The following RANBP2 variants were observed in gnomAD, a reference collection of about 807,000 sequenced individuals.
RANBP2 encodes the protein RAN binding protein 2.
In RANBP2, 57 loss-of-function variants were observed where a neutral mutation model predicts 303.6. That is an observed-to-expected ratio of 0.19 (90% CI 0.15 to 0.23). RANBP2 has a LOEUF of 0.23. RANBP2 is among the 10% of genes least tolerant of loss of function. The pLI, the probability that RANBP2 is intolerant of heterozygous loss-of-function variation, is 1.00. For missense variants in RANBP2, 3,138 were observed against 3,780.8 expected, an observed-to-expected ratio of 0.83 and a Z score of 4.46; for synonymous variants, 1,167 against 1,301.5, an observed-to-expected ratio of 0.90 and a Z score of 2.23.
Position 108,754,101 on chromosome 2 carries a change from T to C in RANBP2, c.2202+130T>C, listed in dbSNP as rs934867515. On this transcript the variant is annotated intron_variant, in intron 15 of 28. Coordinates refer to ENST00000283195, the MANE Select transcript of RANBP2 (RefSeq NM_006267.5). ...TTGTTATTAATGCACAGAAGGGATATGTGTGTCTAAATGCTTATATTTGCT... is the reference window on the plus strand; with the variant it reads ...TTGTTATTAATGCACAGAAGGGATACGTGTGTCTAAATGCTTATATTTGCT... 1.4e-5 allele frequency: 23 copies of C among 1,598,608 alleles called. No individual in the cohort carries two copies. The South Asian group carries it at 1.6e-4, about 11-fold the overall frequency.
chr2:109,585,308 A>C, the RANBP2 span: 1 of 1,600,546 alleles, frequency 6.2e-7, no homozygotes, highest in South Asian at 1.1e-5. Context: ...TTGATTTTCC[A>C]ATTCCAGTTT....
the RANBP2 span, among the ~76,000 whole-genome samples, chr2:109,020,187 C>T: frequency 2.6e-5 from 4 of 152,146 alleles, no homozygotes; most frequent in Non-Finnish European, 1.5e-5. Context: ...ACATATAAAA[C>T]ACCATTTGCA....
At chr2:109,282,981 C>T in the RANBP2 span, among the ~76,000 whole-genome samples, 5 of 152,278 alleles carry the variant, frequency 3.3e-5, no homozygotes, top group South Asian at 4.1e-4. Context: ...GTCCTACTCC[C>T]TCACGTGGAG....
the RANBP2 span, chr2:109,490,978 T>C: frequency 7.1e-7 from 1 of 1,412,506 alleles, no homozygotes; most frequent in African/African-American, 1.4e-5. Flanking sequence ...TGCTGTGGTT[T>C]GGCCTCTGAG....
chr2:108,862,143 T>A, the RANBP2 span, among the ~76,000 whole-genome samples: 1 of 150,918 alleles, frequency 6.6e-6, no homozygotes, highest in Non-Finnish European at 1.5e-5. Flanking sequence ...ATGTTTCACA[T>A]GCAGATGAGA....
the RANBP2 span, among the ~76,000 whole-genome samples, chr2:108,993,400 G>A: frequency 3.3e-5 from 5 of 152,146 alleles, no homozygotes; most frequent in Admixed American, 2.0e-4. Flanking sequence ...CGTGGGGGCT[G>A]GACAAAAGGG....
the RANBP2 span, chr2:108,930,172 G>T: frequency 1.8e-5 from 29 of 1,614,068 alleles, no homozygotes; most frequent in African/African-American, 2.5e-4. Flanking sequence ...GCACAGCCCC[G>T]TAGTCTGGTT....
chr2:108,879,137 A>T, the RANBP2 span, among the ~76,000 whole-genome samples: 1 of 152,152 alleles, frequency 6.6e-6, no homozygotes, highest in Non-Finnish European at 1.5e-5. Context: ...TCTTTTATTT[A>T]TTTATTTAAT....
the RANBP2 span, among the ~76,000 whole-genome samples, chr2:109,591,678 C>G: frequency 9.1e-4 from 138 of 152,274 alleles, no homozygotes; most frequent in African/African-American, 3.3e-3. Context: ...AGATGGATCA[C>G]TTGAGGCCAG....
chr2:109,369,740 C>T, the RANBP2 span, among the ~76,000 whole-genome samples: 1 of 152,198 alleles, frequency 6.6e-6, no homozygotes, highest in Admixed American at 6.5e-5. Context: ...GGCTGTCCAG[C>T]TCTGTTAGAT....
the RANBP2 span, among the ~76,000 whole-genome samples, chr2:109,668,333 T>C: frequency 3.8e-5 from 2 of 52,604 alleles, no homozygotes; most frequent in Non-Finnish European, 7.9e-5. Flanking sequence ...CTTAGTGGGT[T>C]TCATTAGGGG....
At chr2:109,274,192 C>T in the RANBP2 span, among the ~76,000 whole-genome samples, 1 of 152,234 alleles carries the variant, frequency 6.6e-6, no homozygotes, top group Admixed American at 6.5e-5. Context: ...AGTCATTATT[C>T]CTTGGAACAA....
At chr2:109,651,584 C>T in the RANBP2 span, among the ~76,000 whole-genome samples, 15 of 152,280 alleles carry the variant, frequency 9.9e-5, no homozygotes, top group East Asian at 2.9e-3. Context: ...AAAATATTCC[C>T]AATGGACAAA....
chr2:109,297,073 G>T, the RANBP2 span, among the ~76,000 whole-genome samples: 4 of 152,154 alleles, frequency 2.6e-5, no homozygotes, highest in Admixed American at 1.3e-4. Context: ...GCAGCTGTTG[G>T]TCCAGGTGGG....
the RANBP2 span, among the ~76,000 whole-genome samples, chr2:109,364,443 A>G: frequency 1.3e-5 from 2 of 152,222 alleles, no homozygotes; most frequent in Non-Finnish European, 2.9e-5. Context: ...TGATCTTTTA[A>G]GTCTAACATT....
At chr2:109,614,235 G>A in the RANBP2 span, 10,543 of 839,110 alleles carry the variant, frequency 0.013, 699 homozygotes, top group African/African-American at 0.16. Flanking sequence ...GCCGCCCTAG[G>A]TAGGTGTGGC....
the RANBP2 span, among the ~76,000 whole-genome samples, chr2:109,525,076 G>GTT: frequency 2.8e-5 from 4 of 144,918 alleles, no homozygotes; most frequent in African/African-American, 1.0e-4. Flanking sequence ...GCTCCTTACC[G>GTT]TTGTTTTTTT....
chr2:109,334,358 TAAA>T, the RANBP2 span, among the ~76,000 whole-genome samples: 1,915 of 126,100 alleles, frequency 0.015, 27 homozygotes, highest in African/African-American at 0.042. Flanking sequence ...TTTTTTCCTT[TAAA>T]AAAAAAAAAA....
the RANBP2 span, among the ~76,000 whole-genome samples, chr2:109,744,468 T>C: frequency 2.2e-5 from 2 of 92,832 alleles, no homozygotes; most frequent in African/African-American, 5.8e-5. Context: ...ACATTCCTTA[T>C]AGATTCTGGA....
Sources: allele counts gnomAD v4.1 joint callset (sites outside exome capture counted in the v4.1 genomes callset), GRCh38; gene constraint gnomAD v4.1.1; transcripts MANE v1.5; gene names NCBI Gene and HGNC (gene_info 2026-07-23, HGNC 2026-07-21).